GOLIM4: variants seen among roughly 807,000 people sequenced by gnomAD.
GOLIM4 encodes the protein 130 kDa golgi-localized phosphoprotein.
GOLIM4 carries 71 observed loss-of-function variants against 107.4 expected under a neutral mutation model. That is an observed-to-expected ratio of 0.66 (90% CI 0.55 to 0.81). The LOEUF is 0.81. Ranked by LOEUF, GOLIM4 falls within the 30% of genes least tolerant of loss-of-function variation. The pLI is 0.00. For missense variants in GOLIM4, 830 were observed against 826.1 expected, an observed-to-expected ratio of 1.00 and a Z score of -0.06; for synonymous variants, 327 against 294.8, an observed-to-expected ratio of 1.11 and a Z score of -1.12.
At chr3:168,041,499 A>G in intron 5 of GOLIM4, 25 bp from the exon 6 acceptor site, 1 of 1,121,510 alleles carries the variant, frequency 8.9e-7, no homozygotes, top group Non-Finnish European at 1.3e-6. Context: ...GAAGGATCAC[A>G]CATAAAGCCT....
At chr3:168,069,661 A>T (rs780153063) in intron 1 of GOLIM4, among the ~76,000 whole-genome samples, 1 of 152,220 alleles carries the variant, frequency 6.6e-6, no homozygotes, top group Non-Finnish European at 1.5e-5. Context: ...TATTCCACTT[A>T]ATTGAGTTTT....
intron 7 of GOLIM4, among the ~76,000 whole-genome samples, chr3:168,038,742 A>T (rs913967319): frequency 6.6e-6 from 1 of 152,214 alleles, no homozygotes; most frequent in African/African-American, 2.4e-5. Flanking sequence ...TTTTAAAAGG[A>T]GATTTGGGGA....
chr3:168,095,213 C>A lies in GOLIM4; in HGVS notation c.73G>T (p.Gly25Cys). The change falls in exon 1 of 16, where the codon GGC becomes TGC. Residue 25 changes from glycine (G) to cysteine (C), a missense_variant. Coordinates refer to ENST00000470487, the MANE Select transcript of GOLIM4 (RefSeq NM_014498.5). Reference sequence around the variant, plus strand: ...TAGAGCATCGCGCCGTAGAGAAAGCCGAACACGACGGTCAGCAGCAGCAGC... The same window carrying A: ...TAGAGCATCGCGCCGTAGAGAAAGCAGAACACGACGGTCAGCAGCAGCAGC... ...QTLLLLTVVF[G>C]FLYGAMLYYE... is the part of the protein sequence containing the mutation. 6.2e-7 allele frequency: 1 copy of A among 1,613,744 alleles called. No homozygotes were observed. Among genetic ancestry groups the A allele is most frequent in the South Asian group, 1.1e-5 (1 of 91,080 alleles).
Position 168,080,415 on chromosome 3 carries a change from G to T in GOLIM4, c.187+14684C>A, listed in dbSNP as rs1721295373. Among the ~76,000 whole-genome samples, 3 of 152,146 alleles carry T rather than the reference G, an allele frequency of 2.0e-5. No individual in the cohort carries two copies. The South Asian group carries it at 6.2e-4, about 32-fold the overall frequency. On this transcript the variant is annotated intron_variant, in intron 1 of 15. Transcript: ENST00000470487. ...TTCCTGATGCTATAGTTTTAAAATT[G>T]ATATTTAAATTCATGAAAATTAAAT...
intron 1 of GOLIM4, among the ~76,000 whole-genome samples, chr3:168,062,800 T>G (rs761263633): frequency 6.6e-6 from 1 of 152,128 alleles, no homozygotes; most frequent in Non-Finnish European, 1.5e-5. Flanking sequence ...GGAAATAGAA[T>G]CAAAATGCCT....
chr3:168,059,580 T>C (rs1316825787), intron 1 of GOLIM4, among the ~76,000 whole-genome samples: 1 of 152,182 alleles, frequency 6.6e-6, no homozygotes, highest in East Asian at 1.9e-4. Context: ...TGTTCAGATA[T>C]ATGGGGACAT....
intron 1 of GOLIM4, among the ~76,000 whole-genome samples, chr3:168,087,547 T>C (rs1176131511): frequency 6.6e-6 from 1 of 152,132 alleles, no homozygotes; most frequent in East Asian, 1.9e-4. Flanking sequence ...CAGCAGCAAA[T>C]TTCTTGTACC....
chr3:168,089,620 T>C (rs1225317672), intron 1 of GOLIM4, among the ~76,000 whole-genome samples: 1 of 152,202 alleles, frequency 6.6e-6, no homozygotes, highest in African/African-American at 2.4e-5. Flanking sequence ...CGCCTCAGCC[T>C]GTATCTATTA....
chr3:168,091,765 T>TA (rs1418365179), intron 1 of GOLIM4, among the ~76,000 whole-genome samples: 1 of 152,178 alleles, frequency 6.6e-6, no homozygotes, highest in Non-Finnish European at 1.5e-5. Flanking sequence ...AATACCTCTA[T>TA]AAAATAGGTT....
At position 168,029,927 on chromosome 3, in the gene GOLIM4, T is replaced by G; in HGVS notation, c.1286A>C (p.Glu429Ala). 1 of 1,614,130 alleles carries G rather than the reference T, an allele frequency of 6.2e-7. No homozygotes were observed. Among genetic ancestry groups the G allele is most frequent in the Non-Finnish European group, 8.5e-7 (1 of 1,180,020 alleles). The change falls in exon 10 of 16, where the codon GAA becomes GCA. Residue 429 changes from glutamate (E) to alanine (A), a missense_variant. Physicochemically the swap from Glu to Ala is moderately radical, Grantham distance 107. Transcript: ENST00000470487. ...CTGCTGGTGCAAAGCTTCCTGGTGT[T>G]CCCGCAGCTGCTGGGCCTCCTCCAC... is the stretch of plus-strand genomic sequence containing the variant. ...QQVEEAQQLR[E>A]HQEALHQQRL...
Position 168,037,580 on chromosome 3 carries a change from T to G in GOLIM4, c.685-586A>C, listed in dbSNP as rs1036519922. 2.6e-5 allele frequency among the ~76,000 whole-genome samples: 4 copies of G among 152,250 alleles called. No homozygotes were observed. The South Asian group carries it at 6.2e-4, about 24-fold the overall frequency. Reference sequence around the variant, plus strand: ...ATGTTTCCTACACTGTGCTCTGTGGTTTCTGGAAAACAGTGGCACAGCTGT... The same window carrying G: ...ATGTTTCCTACACTGTGCTCTGTGGGTTCTGGAAAACAGTGGCACAGCTGT... On this transcript the variant is annotated intron_variant, in intron 7 of 15. Transcript: ENST00000470487.
intron 1 of GOLIM4, among the ~76,000 whole-genome samples, chr3:168,075,543 C>T (rs1284773557): frequency 2.0e-5 from 3 of 151,812 alleles, no homozygotes; most frequent in African/African-American, 4.8e-5. Flanking sequence ...CGTGATCCGC[C>T]TGCCTCGGCC....
chr3:168,072,534 C>T (rs1298091050), intron 1 of GOLIM4, among the ~76,000 whole-genome samples: 1 of 151,982 alleles, frequency 6.6e-6, no homozygotes, highest in East Asian at 1.9e-4. Flanking sequence ...TAAAATAACA[C>T]TCTGTTAAGA....
In GOLIM4 at chr3:168,016,573, C is replaced by T. The variant is rs1459573407; in HGVS notation, c.1861-5750G>A. On this transcript the variant is annotated intron_variant, in intron 14 of 15. Coordinates refer to ENST00000470487, the MANE Select transcript of GOLIM4 (RefSeq NM_014498.5). ...ACCCAAAGGATTATAAATCATGCTG[C>T]TATAAAGACACATGCACATGTATGT... is the stretch of plus-strand genomic sequence containing the variant. Among the ~76,000 whole-genome samples, 3 of 133,312 alleles carry T rather than the reference C, an allele frequency of 2.3e-5. 1 individual carries two copies. The highest frequency in any genetic ancestry group is 4.4e-5 in the Non-Finnish European group (3 of 67,626). The allele number at this position is 133,312 out of a possible 152,430, so 87.5% of individuals were successfully genotyped here.
intron 8 of GOLIM4, among the ~76,000 whole-genome samples, chr3:168,034,198 T>C (rs867327507): frequency 6.6e-6 from 1 of 152,204 alleles, no homozygotes; most frequent in South Asian, 2.1e-4. Flanking sequence ...AATACTGCCC[T>C]GGCTTTACAG....
At chr3:168,015,419 T>C (rs1354475042) in intron 14 of GOLIM4, among the ~76,000 whole-genome samples, 16 of 140,388 alleles carry the variant, frequency 1.1e-4, no homozygotes, top group African/African-American at 4.5e-4. Context: ...GAACATTCCA[T>C]GCTCATGGGT....
At chr3:168,049,022 T>C (rs1719475185) in intron 1 of GOLIM4, among the ~76,000 whole-genome samples, 2 of 152,188 alleles carry the variant, frequency 1.3e-5, no homozygotes, top group South Asian at 2.1e-4. Context: ...AGGTTCACCA[T>C]CAGCCACAGC....
intron 8 of GOLIM4, among the ~76,000 whole-genome samples, chr3:168,035,068 T>C (rs1369316169): frequency 6.8e-6 from 1 of 147,962 alleles, no homozygotes; most frequent in Non-Finnish European, 1.5e-5. Flanking sequence ...TCAGCATCAC[T>C]GATCATTAGA....
At chr3:168,082,308 G>A (rs1318540640) in intron 1 of GOLIM4, among the ~76,000 whole-genome samples, 1 of 152,074 alleles carries the variant, frequency 6.6e-6, no homozygotes, top group Non-Finnish European at 1.5e-5. Flanking sequence ...CTGGATAGGA[G>A]GCAGTTCTAA....
Sources: gnomAD v4.1 joint callset for allele counts (sites outside exome capture counted in the v4.1 genomes callset) on GRCh38, gnomAD v4.1.1 for gene constraint, MANE v1.5 for transcripts, NCBI Gene and HGNC (gene_info 2026-07-23, HGNC 2026-07-21) for gene names.